Variants in ARHGEF38 observed in about 807,000 individuals in gnomAD.
ARHGEF38 encodes the protein Rho guanine nucleotide exchange factor 38.
ARHGEF38 carries 79 observed loss-of-function variants against 79.9 expected under a neutral mutation model. That is an observed-to-expected ratio of 0.99 (90% CI 0.82 to 1.19). ARHGEF38 has a LOEUF of 1.19. Among genes scored for constraint, ARHGEF38 ranks in the 50% most tolerant of loss-of-function variants. ARHGEF38 has a pLI of 0.00. For synonymous variants in ARHGEF38, 366 were observed against 328.3 expected (o/e 1.11, Z -1.24); for missense variants, 962 against 907.2 (o/e 1.06, Z -0.78).
At chr4:105,662,374 AT>A (rs923744688) in intron 10 of ARHGEF38, among the ~76,000 whole-genome samples, 12 of 151,672 alleles carry the variant, frequency 7.9e-5, no homozygotes, top group African/African-American at 2.4e-4. Context: ...TTCACTTGTG[AT>A]TTTTTTTCAT....
intron 10 of ARHGEF38, among the ~76,000 whole-genome samples, chr4:105,661,888 T>C (rs190956014): frequency 1.1e-4 from 17 of 152,180 alleles, no homozygotes; most frequent in African/African-American, 4.1e-4. Context: ...TGATGAGTAT[T>C]TGATCTATTT....
At chr4:105,606,335 C>A (rs1352784780) in intron 2 of ARHGEF38, among the ~76,000 whole-genome samples, 1 of 151,892 alleles carries the variant, frequency 6.6e-6, no homozygotes, top group Non-Finnish European at 1.5e-5. Flanking sequence ...TTATTTTCTC[C>A]CTTCTTCTAC....
At chr4:105,609,906 A>G (rs1457520181) in intron 2 of ARHGEF38, among the ~76,000 whole-genome samples, 1 of 152,120 alleles carries the variant, frequency 6.6e-6, no homozygotes, top group Non-Finnish European at 1.5e-5. Context: ...ACACATGCAC[A>G]CGTATGTTTA....
At chr4:105,651,819 C>T (rs1404715280) in intron 7 of ARHGEF38, among the ~76,000 whole-genome samples, 2 of 152,204 alleles carry the variant, frequency 1.3e-5, no homozygotes, top group Admixed American at 6.5e-5. Context: ...TGCTCCTGGC[C>T]GCTCTCTCTG....
At chr4:105,576,607 G>T (rs1726514542) in intron 1 of ARHGEF38, among the ~76,000 whole-genome samples, 1 of 152,074 alleles carries the variant, frequency 6.6e-6, no homozygotes, top group African/African-American at 2.4e-5. Flanking sequence ...ATAGAGTCAT[G>T]TCACCAGTGA....
chr4:105,580,039 T>G (rs1374411977), intron 1 of ARHGEF38, among the ~76,000 whole-genome samples: 1 of 152,186 alleles, frequency 6.6e-6, no homozygotes, highest in East Asian at 1.9e-4. Context: ...GAATAGTCTC[T>G]GATGATTGTA....
At chr4:105,585,725 G>GTTTT (rs1491390111) in intron 1 of ARHGEF38, among the ~76,000 whole-genome samples, 10 of 14,428 alleles carry the variant, frequency 6.9e-4, no homozygotes, top group Non-Finnish European at 1.0e-3. Context: ...CCCCTCCGTT[G>GTTTT]CTTTTTTTTT....
chr4:105,662,531 TA>T (rs1477429643), intron 10 of ARHGEF38, among the ~76,000 whole-genome samples: 1 of 152,168 alleles, frequency 6.6e-6, no homozygotes, highest in Non-Finnish European at 1.5e-5. Flanking sequence ...TAGGGTTTCA[TA>T]TTTTTTTATT....
intron 10 of ARHGEF38, among the ~76,000 whole-genome samples, chr4:105,660,532 C>T (rs181712408): frequency 2.6e-5 from 4 of 151,780 alleles, no homozygotes; most frequent in South Asian, 2.1e-4. Flanking sequence ...CTCCACCTTC[C>T]GGGTTCAAGC....
At chr4:105,561,434 A>AGAATAGAATG (rs1725552961) in intron 1 of ARHGEF38, among the ~76,000 whole-genome samples, 1 of 47,030 alleles carries the variant, frequency 2.1e-5, no homozygotes, top group African/African-American at 1.0e-4. Context: ...GGAATAGAAT[A>AGAATAGAATG]GAATAGAATA....
chr4:105,662,831 G>T (rs1305940891), intron 10 of ARHGEF38, among the ~76,000 whole-genome samples: 1 of 152,082 alleles, frequency 6.6e-6, no homozygotes, highest in Non-Finnish European at 1.5e-5. Context: ...TCCCCACTTT[G>T]AATCATGTGA....
At chr4:105,644,147 C>T (rs576112808) in intron 5 of ARHGEF38, among the ~76,000 whole-genome samples, 66 of 152,128 alleles carry the variant, frequency 4.3e-4, no homozygotes, top group Non-Finnish European at 8.8e-4. Flanking sequence ...GGATTACAGG[C>T]CCAAACCACT....
At chr4:105,598,550 C>T (rs1381860351) in intron 2 of ARHGEF38, among the ~76,000 whole-genome samples, 1 of 152,188 alleles carries the variant, frequency 6.6e-6, no homozygotes, top group African/African-American at 2.4e-5. Context: ...TATACTCTTG[C>T]TGGAAGTCTG....
rs1210230501 is a variant in ARHGEF38 at position 105,680,519 on chromosome 4, A to G, written c.*2582A>G. ...GATCATAAAATAATAAATGCTATTT[A>G]TATAAAACTGGCTACTTTCATTACT... On this transcript the variant is annotated 3_prime_UTR_variant, in exon 14 of 14. Transcript: ENST00000420470. The G allele has an allele frequency of 6.5e-6, 1 of 153,306 alleles. No homozygotes were observed. The highest frequency in any genetic ancestry group is 1.5e-5 in the Non-Finnish European group (1 of 68,836). 9.5% of individuals were successfully genotyped at this position (153,306 alleles called of 1,614,324 possible).
At chr4:105,593,218 T>C (rs1217329132) in intron 2 of ARHGEF38, among the ~76,000 whole-genome samples, 2 of 152,128 alleles carry the variant, frequency 1.3e-5, no homozygotes, top group Non-Finnish European at 2.9e-5. Context: ...GTCCCTGCGA[T>C]TGGCTAATGA....
chr4:105,628,431 T>C (rs1729041798), intron 3 of ARHGEF38, among the ~76,000 whole-genome samples: 1 of 152,240 alleles, frequency 6.6e-6, no homozygotes. Flanking sequence ...TACCTGGTTC[T>C]GCTACTGGGA....
rs867151252 is a variant in ARHGEF38, at chr4:105,561,475, G to C, written c.196+8514G>C. ...GAATAGAATAGAATAGAATAGAATA[G>C]AATAGAATAGAATAGAATAGAATAG... is the stretch of plus-strand genomic sequence containing the variant. On this transcript the variant is annotated intron_variant, in intron 1 of 13. Coordinates refer to ENST00000420470, the MANE Select transcript of ARHGEF38 (RefSeq NM_001242729.2). 1.9e-4 allele frequency: 24 copies of C among 123,574 alleles called. 2 individuals carry two copies. Among genetic ancestry groups the C allele is most frequent in the Non-Finnish European group, 2.9e-4 (17 of 57,884 alleles). The allele number at this position is 123,574 out of a possible 1,614,324, so 7.7% of individuals were successfully genotyped here.
chr4:105,638,626 A>AT lies in ARHGEF38; in HGVS notation c.674+2208dup, dbSNP rs1485699290. 2.0e-5 allele frequency among the ~76,000 whole-genome samples: 3 copies of AT among 152,176 alleles called. No homozygotes were observed. The East Asian group carries it at 5.8e-4, about 29-fold the overall frequency. On this transcript the variant is annotated intron_variant, in intron 5 of 13. Coordinates refer to ENST00000420470, the MANE Select transcript of ARHGEF38 (RefSeq NM_001242729.2). ...CAGCAGTCACATTCCAAAGCTAACT[A>AT]TTGTAGCATTGCAGTGAGTCCCTCA...
intron 2 of ARHGEF38, among the ~76,000 whole-genome samples, chr4:105,604,743 A>G (rs909692263): frequency 1.3e-5 from 2 of 152,254 alleles, no homozygotes; most frequent in Non-Finnish European, 1.5e-5. Flanking sequence ...AAATAAACAC[A>G]CATGTACACA....
Sources: allele counts gnomAD v4.1 joint callset (sites outside exome capture counted in the v4.1 genomes callset), GRCh38; gene constraint gnomAD v4.1.1; transcripts MANE v1.5; gene names NCBI Gene and HGNC (gene_info 2026-07-23, HGNC 2026-07-21).